Variants in EHBP1 observed in about 807,000 individuals in gnomAD.
EHBP1 encodes EH domain-binding protein 1.
Under a neutral mutation model 144.0 loss-of-function variants are expected in EHBP1, and 55 were observed. The observed-to-expected ratio is 0.38, with a 90% CI of 0.31 to 0.48. The LOEUF (loss-of-function observed/expected upper bound fraction) is 0.48, where lower values mean the gene tolerates loss of function less well. Among genes scored for constraint, EHBP1 ranks in the 20% least tolerant of loss-of-function variants. The pLI is 0.98. For missense variants in EHBP1, 1,200 were observed against 1,364.2 expected (o/e 0.88, Z 1.90); for synonymous variants, 469 against 472.7 (o/e 0.99, Z 0.10).
intron 1 of EHBP1, among the ~76,000 whole-genome samples, chr2:62,677,624 C>T (rs2033349577): frequency 6.6e-6 from 1 of 152,086 alleles, no homozygotes; most frequent in Admixed American, 6.6e-5. Context: ...ACCATCCCCA[C>T]TTCCCCCCAC....
chr2:63,002,457 C>T (rs898763949), intron 19 of EHBP1, among the ~76,000 whole-genome samples: 1 of 152,030 alleles, frequency 6.6e-6, no homozygotes, highest in African/African-American at 2.4e-5. Context: ...AGTATAGTTT[C>T]TCAGTGTATT....
chr2:62,895,244 C>G (rs773077343), intron 10 of EHBP1, among the ~76,000 whole-genome samples: 1 of 151,992 alleles, frequency 6.6e-6, no homozygotes, highest in African/African-American at 2.4e-5. Flanking sequence ...CATAACTGCA[C>G]ACTGAATGGA....
intron 5 of EHBP1, among the ~76,000 whole-genome samples, chr2:62,816,030 C>CT (rs1471925579): frequency 6.6e-6 from 1 of 152,168 alleles, no homozygotes; most frequent in African/African-American, 2.4e-5. Flanking sequence ...TAAGAAACTA[C>CT]TACTTGTTGA....
At chr2:62,692,322 T>C (rs867278245) in intron 1 of EHBP1, among the ~76,000 whole-genome samples, 1 of 152,236 alleles carries the variant, frequency 6.6e-6, no homozygotes, top group African/African-American at 2.4e-5. Context: ...TTATTATGAA[T>C]AAAGCCACTG....
chr2:62,960,514 T>C (rs979323790), intron 14 of EHBP1, among the ~76,000 whole-genome samples: 7 of 152,182 alleles, frequency 4.6e-5, no homozygotes, highest in African/African-American at 1.7e-4. Context: ...TTCATCCCAA[T>C]ATAATTATCT....
intron 3 of EHBP1, among the ~76,000 whole-genome samples, chr2:62,750,948 C>T (rs1297517807): frequency 2.0e-5 from 3 of 152,174 alleles, no homozygotes; most frequent in African/African-American, 7.2e-5. Flanking sequence ...AATTTTACTT[C>T]CTCTTTTCCT....
At chr2:62,724,950 A>G (rs1165306814) in intron 2 of EHBP1, among the ~76,000 whole-genome samples, 1 of 152,160 alleles carries the variant, frequency 6.6e-6, no homozygotes, top group Non-Finnish European at 1.5e-5. Context: ...CTTCCATGAA[A>G]TTGGTTCCTG....
At chr2:62,758,911 T>C (rs1335901793) in intron 3 of EHBP1, among the ~76,000 whole-genome samples, 1 of 152,224 alleles carries the variant, frequency 6.6e-6, no homozygotes, top group Non-Finnish European at 1.5e-5. Context: ...GTTTTAAAAA[T>C]TGAAAATTGT....
In EHBP1 at chr2:62,707,013, C is replaced by T; in HGVS notation, c.-179C>T. The T allele has an allele frequency of 1.7e-6, 1 of 574,140 alleles. No homozygotes were observed. The allele number at this position is 574,140 out of a possible 1,614,324, so 35.6% of individuals were successfully genotyped here. A position where few individuals can be genotyped will look rare whatever the true frequency, so the allele number is the denominator to read the frequency against. On this transcript the variant is annotated 5_prime_UTR_variant, in exon 2 of 23. Coordinates refer to ENST00000431489, the MANE Select transcript of EHBP1 (RefSeq NM_001142616.3). ...TAGTGTTCTTGACTGGGCCATTCAT[C>T]TAAGATGGGATTTACCCTGTGAAAC...
rs762554096 is a variant in EHBP1 at position 62,990,736 on chromosome 2, G to T, written c.2629G>T (p.Asp877Tyr). ...ASGEQNSKLV[D>Y]LKLKKLLEVQ... ...AACAGAACAAAACAGTAAGTTGGTGGACTTGAAGCTGAAGAAGCTCCTAGA... is the reference window on the plus strand; with the variant it reads ...AACAGAACAAAACAGTAAGTTGGTGTACTTGAAGCTGAAGAAGCTCCTAGA... The change falls in exon 16 of 23, where the codon GAC becomes TAC. Residue 877 changes from aspartate to tyrosine, a missense_variant. Asp to Tyr is a radical substitution (Grantham distance 160, BLOSUM62 -3). Transcript: ENST00000431489. 1 of 1,613,770 alleles carries T rather than the reference G, an allele frequency of 6.2e-7. No individual in the cohort carries two copies. Among genetic ancestry groups the T allele is most frequent in the Non-Finnish European group, 8.5e-7 (1 of 1,179,806 alleles).
At chr2:62,773,029 T>C (rs2041786179) in intron 5 of EHBP1, among the ~76,000 whole-genome samples, 1 of 152,200 alleles carries the variant, frequency 6.6e-6, no homozygotes, top group South Asian at 2.1e-4. Flanking sequence ...GATGTACATG[T>C]TATGACCAAA....
intron 1 of EHBP1, among the ~76,000 whole-genome samples, chr2:62,690,728 C>T (rs1296186998): frequency 6.6e-6 from 1 of 152,078 alleles, no homozygotes; most frequent in Non-Finnish European, 1.5e-5. Flanking sequence ...CCTCAAGAAA[C>T]ACTTAACTAA....
intron 2 of EHBP1, among the ~76,000 whole-genome samples, chr2:62,744,172 A>G (rs974395343): frequency 6.6e-6 from 1 of 152,110 alleles, no homozygotes; most frequent in Non-Finnish European, 1.5e-5. Context: ...TTTACATGTA[A>G]TATATAAAAA....
intron 2 of EHBP1, among the ~76,000 whole-genome samples, chr2:62,733,313 C>CT (rs1485845555): frequency 5.3e-5 from 8 of 152,068 alleles, no homozygotes; most frequent in African/African-American, 1.9e-4. Flanking sequence ...TTCTCTGTAC[C>CT]TTTTTTTGTT....
chr2:62,794,209 C>T (rs968613282), intron 5 of EHBP1, among the ~76,000 whole-genome samples: 4 of 152,044 alleles, frequency 2.6e-5, no homozygotes, highest in African/African-American at 9.7e-5. Context: ...TGTTGGTGGA[C>T]ATGATTAGTG....
chr2:62,884,640 C>A (rs1218430355), intron 10 of EHBP1, among the ~76,000 whole-genome samples: 5 of 152,144 alleles, frequency 3.3e-5, no homozygotes, highest in African/African-American at 1.2e-4. Flanking sequence ...ACCAACTACA[C>A]AATTATGTGT....
intron 18 of EHBP1, 24 bp from the exon 19 acceptor site, chr2:62,996,619 C>A: frequency 6.2e-7 from 1 of 1,602,118 alleles, no homozygotes; most frequent in South Asian, 1.1e-5. Flanking sequence ...TTTTTTTTTC[C>A]TTCCTGTTTG....
At chr2:62,968,229 A>T (rs2058335063) in intron 14 of EHBP1, among the ~76,000 whole-genome samples, 1 of 152,172 alleles carries the variant, frequency 6.6e-6, no homozygotes, top group Non-Finnish European at 1.5e-5. Context: ...CTTACATAGA[A>T]GTTACAAAGA....
intron 1 of EHBP1, among the ~76,000 whole-genome samples, chr2:62,678,949 T>C (rs6760804): frequency 0.8 from 121,873 of 151,990 alleles, 49,091 homozygotes; most frequent in East Asian, 0.91. Context: ...TTTTGTTTTA[T>C]TTTTAACTAC....
Sources: gnomAD v4.1 joint callset for allele counts (sites outside exome capture counted in the v4.1 genomes callset) on GRCh38, gnomAD v4.1.1 for gene constraint, MANE v1.5 for transcripts, NCBI Gene and HGNC (gene_info 2026-07-23, HGNC 2026-07-21) for gene names.